Variants in ENAH observed in about 807,000 individuals in gnomAD.
ENAH encodes ENAH actin regulator.
Under a neutral mutation model 78.7 loss-of-function variants are expected in ENAH, and 23 were observed. The observed-to-expected ratio is 0.29, with a 90% confidence interval of 0.21 to 0.41. The LOEUF is 0.41. ENAH is among the 10% of genes least tolerant of loss of function. The probability of loss-of-function intolerance (pLI) is 1.00; values close to 1 mark genes in which losing one functional copy is unlikely to be tolerated. For synonymous variants in ENAH, 226 were observed against 241.0 expected (o/e 0.94, Z 0.58); for missense variants, 544 against 691.0 (o/e 0.79, Z 2.39).
intron 1 of ENAH, among the ~76,000 whole-genome samples, chr1:225,614,641 G>A (rs562738167): frequency 3.9e-5 from 6 of 152,200 alleles, no homozygotes; most frequent in East Asian, 3.9e-4. Context: ...CCAGGAGATA[G>A]GTTGGTTGCT....
At chr1:225,539,629 C>T (rs1316415404) in intron 3 of ENAH, among the ~76,000 whole-genome samples, 1 of 152,190 alleles carries the variant, frequency 6.6e-6, no homozygotes, top group Admixed American at 6.5e-5. Flanking sequence ...GCCCACTGCT[C>T]TTAAGATAAA....
chr1:225,512,671 T>C lies in ENAH; in HGVS notation c.1408A>G (p.Lys470Glu). The change falls in exon 9 of 14, where the codon AAA (lysine) becomes GAA (glutamate). Residue 470 changes from lysine (K) to glutamate (E), a missense_variant. By Grantham distance (56) the Lys-to-Glu change is moderately conservative. This residue lies in a region of ENAH where 97 missense variants were observed against 124.4 expected (regional missense o/e 0.78). Transcript: ENST00000366843. Reference sequence around the variant, plus strand: ...TATTAACTTACACCTTTGTCCTCTTTTTGTTCTGTTTCTATTGTTGATCCC... The same window carrying C: ...TATTAACTTACACCTTTGTCCTCTTCTTGTTCTGTTTCTATTGTTGATCCC... ...EKGSTIETEQ[K>E]EDKGEDSEPV... is the part of the protein sequence containing the mutation. 6.2e-7 allele frequency: 1 copy of C among 1,613,626 alleles called. No individual in the cohort carries two copies. Among genetic ancestry groups the C allele is most frequent in the Non-Finnish European group, 8.5e-7 (1 of 1,179,762 alleles).
rs1287351857 is a variant in ENAH, at chr1:225,652,800, A to G, written c.-110T>C. 23 of 934,410 alleles carry G rather than the reference A, an allele frequency of 2.5e-5. No homozygotes were observed. The highest frequency in any genetic ancestry group is 3.3e-5 in the Non-Finnish European group (23 of 705,038). The allele number at this position is 934,410 out of a possible 1,614,324, so 57.9% of individuals were successfully genotyped here. The stretch of plus-strand genomic sequence containing the variant: ...GGGAGCAGCTCGGAGACGGGAGACA[A>G]GTGTCCGGCTCCTCCTTCGGCGGCC... On this transcript the variant is annotated 5_prime_UTR_variant, in exon 1 of 14. Coordinates refer to ENST00000366843, the MANE Select transcript of ENAH (RefSeq NM_018212.6).
At chr1:225,527,132 T>C (rs2096511456) in intron 4 of ENAH, among the ~76,000 whole-genome samples, 1 of 152,208 alleles carries the variant, frequency 6.6e-6, no homozygotes, top group African/African-American at 2.4e-5. Flanking sequence ...CCTCTTTTCA[T>C]TTGGCACCTC....
chr1:225,519,175 A>G (rs1200894614), intron 5 of ENAH, 23 bp downstream of exon 5: 15 of 1,609,252 alleles, frequency 9.3e-6, no homozygotes, highest in Non-Finnish European at 1.3e-5. Flanking sequence ...ACAAGAACAC[A>G]GAAGAGTTTG....
At chr1:225,554,653 G>T (rs1044732446) in intron 3 of ENAH, among the ~76,000 whole-genome samples, 1 of 152,024 alleles carries the variant, frequency 6.6e-6, no homozygotes, top group African/African-American at 2.4e-5. Context: ...AAATAAAAGG[G>T]TTACAGAATT....
chr1:225,521,641 CAAAAAAAAA>C (rs559523159), intron 4 of ENAH, among the ~76,000 whole-genome samples: 2 of 69,370 alleles, frequency 2.9e-5, no homozygotes, highest in African/African-American at 7.8e-5. Context: ...ACCCTGTCTC[CAAAAAAAAA>C]AAAAAAAAAG....
intron 1 of ENAH, among the ~76,000 whole-genome samples, chr1:225,581,667 A>G (rs2096818703): frequency 6.6e-6 from 1 of 152,068 alleles, no homozygotes; most frequent in African/African-American, 2.4e-5. Flanking sequence ...CCTCCCATAG[A>G]TAAAACTATA....
At chr1:225,543,999 C>T (rs925813982) in intron 3 of ENAH, among the ~76,000 whole-genome samples, 3 of 152,074 alleles carry the variant, frequency 2.0e-5, no homozygotes, top group Admixed American at 6.6e-5. Flanking sequence ...TCCAAATGCA[C>T]GAAAGCACAG....
chr1:225,628,552 A>C (rs906352165), intron 1 of ENAH, among the ~76,000 whole-genome samples: 4 of 152,200 alleles, frequency 2.6e-5, no homozygotes, highest in African/African-American at 7.2e-5. Flanking sequence ...AAGGCAAAAA[A>C]TGTATCAAGT....
chr1:225,600,267 G>A (rs1020687360), intron 1 of ENAH, among the ~76,000 whole-genome samples: 8 of 152,084 alleles, frequency 5.3e-5, no homozygotes, highest in South Asian at 2.1e-4. Flanking sequence ...TTCGGGAGAC[G>A]GAGGCCGGGA....
intron 3 of ENAH, among the ~76,000 whole-genome samples, chr1:225,534,293 G>C (rs1401126602): frequency 6.6e-6 from 1 of 152,096 alleles, no homozygotes; most frequent in Non-Finnish European, 1.5e-5. Flanking sequence ...ATCTGGGAGG[G>C]AGAGGAGGGA....
At chr1:225,581,246 T>C (rs1032431582) in intron 1 of ENAH, 2 of 979,874 alleles carry the variant, frequency 2.0e-6, no homozygotes, top group Non-Finnish European at 2.4e-6. Context: ...AATAGATTAT[T>C]TCACCTGTTT....
At chr1:225,511,014 C>T (rs924224098) in intron 10 of ENAH, among the ~76,000 whole-genome samples, 5 of 151,872 alleles carry the variant, frequency 3.3e-5, no homozygotes, top group Non-Finnish European at 5.9e-5. Flanking sequence ...GAGCAAGACC[C>T]CATCTCAAAA....
At chr1:225,541,694 A>G (rs2096589946) in intron 3 of ENAH, among the ~76,000 whole-genome samples, 1 of 152,174 alleles carries the variant, frequency 6.6e-6, no homozygotes, top group African/African-American at 2.4e-5. Flanking sequence ...ATTAGAGGTG[A>G]TTGGTGGAAT....
At position 225,521,096 on chromosome 1, in the gene ENAH, G is replaced by A. The variant is rs192659622; in HGVS notation, c.435-1531C>T. On this transcript the variant is annotated intron_variant, in intron 4 of 13. Coordinates refer to ENST00000366843, the MANE Select transcript of ENAH (RefSeq NM_018212.6). The stretch of plus-strand genomic sequence containing the variant: ...GAGTTATCCTAAGGCACTTAGTTCA[G>A]CATCTTTATTTTCCATGAGTGCATA... Among the ~76,000 whole-genome samples, 73 of 152,172 alleles carry A rather than the reference G, an allele frequency of 4.8e-4. No homozygotes were observed. The East Asian group carries it at 6.6e-3, about 14-fold the overall frequency.
In ENAH at chr1:225,490,922, G is replaced by A. The variant is rs1325116877; in HGVS notation, c.*6853C>T. On this transcript the variant is annotated 3_prime_UTR_variant, in exon 14 of 14. Coordinates refer to ENST00000366843, the MANE Select transcript of ENAH (RefSeq NM_018212.6). ...GTGATGCCCAACCACTGGCACTGGGGTGGCCTTATGACTTACGACAATCAA... is the reference window on the plus strand; with the variant it reads ...GTGATGCCCAACCACTGGCACTGGGATGGCCTTATGACTTACGACAATCAA... The A allele has an allele frequency of 6.6e-6, 1 of 152,188 alleles. No individual in the cohort carries two copies. Among genetic ancestry groups the A allele is most frequent in the African/African-American group, 2.4e-5 (1 of 41,414 alleles). The allele number at this position is 152,188 out of a possible 1,614,324, so 9.4% of individuals were successfully genotyped here.
Position 225,548,607 on chromosome 1 carries a change from C to T in ENAH, c.349+6299G>A, listed in dbSNP as rs570293960. Among the ~76,000 whole-genome samples the T allele has an allele frequency of 7.2e-4, 110 of 152,338 alleles. 1 individual carries two copies. The highest frequency in any genetic ancestry group is 2.5e-3 in the African/African-American group (103 of 41,580). The stretch of plus-strand genomic sequence containing the variant: ...CCTGAAGGCTCGAAAACCCAATCCC[C>T]TTTGTGCCTCCCTTTCTAGGTATGG... On this transcript the variant is annotated intron_variant, in intron 3 of 13. Coordinates refer to ENST00000366843, the MANE Select transcript of ENAH (RefSeq NM_018212.6).
chr1:225,527,932 C>T (rs1282695086), intron 4 of ENAH, among the ~76,000 whole-genome samples: 2 of 152,250 alleles, frequency 1.3e-5, no homozygotes, highest in East Asian at 3.9e-4. Flanking sequence ...ACTCAACAAC[C>T]TTCCTAGGTA....
Sources: gnomAD v4.1 joint callset for allele counts (sites outside exome capture counted in the v4.1 genomes callset) on GRCh38, gnomAD v4.1.1 for gene constraint, gnomAD v4.1.1 regional missense constraint, MANE v1.5 for transcripts, NCBI Gene and HGNC (gene_info 2026-07-23, HGNC 2026-07-21) for gene names.